B3GALNT1: variants seen among roughly 807,000 people sequenced by gnomAD.
B3GALNT1 encodes the protein beta-1,3-N-acetylgalactosaminyltransferase 1 (Globoside blood group).
A neutral mutation model predicts 27.3 loss-of-function variants in B3GALNT1; 17 were observed. The ratio of observed to expected loss-of-function variants is 0.62; its 90% CI spans 0.43 to 0.94. B3GALNT1 has a LOEUF of 0.94. B3GALNT1 is among the 40% of genes least tolerant of loss of function. B3GALNT1 has a pLI of 0.00. For missense variants in B3GALNT1, 347 were observed against 390.0 expected, an observed-to-expected ratio of 0.89 and a Z score of 0.93; for synonymous variants, 141 against 144.0, an observed-to-expected ratio of 0.98 and a Z score of 0.15.
At chr3:161,101,436 A>G (rs35474158) in intron 3 of B3GALNT1, among the ~76,000 whole-genome samples, 2,534 of 152,276 alleles carry the variant, frequency 0.017, 77 homozygotes, top group African/African-American at 0.059. Flanking sequence ...TAGTTAAGCC[A>G]TCAATTACCT....
In B3GALNT1 at chr3:161,086,599, G is replaced by T; in HGVS notation, c.156C>A (p.Phe52Leu). Residue 52 changes from phenylalanine to leucine, a missense_variant, in exon 5 of 5, where the codon TTC becomes TTA. Physicochemically the swap from Phe to Leu is conservative, Grantham distance 22. Transcript: ENST00000320474. ...NVIERVNWMY[F>L]YEYEPIYRQD... ...GTCTGTAAATCGGCTCATACTCATA[G>T]AAGTACATCCAGTTCACGCGTTCTA... is the stretch of plus-strand genomic sequence containing the variant. 1 of 1,614,192 alleles carries T rather than the reference G, an allele frequency of 6.2e-7. No individual in the cohort carries two copies. The highest frequency in any genetic ancestry group is 1.1e-5 in the South Asian group (1 of 91,084).
Position 161,086,337 on chromosome 3 carries a change from A to G in B3GALNT1, c.418T>C (p.Tyr140His). 6.2e-7 allele frequency: 1 copy of G among 1,614,166 alleles called. No homozygotes were observed. The highest frequency in any genetic ancestry group is 1.3e-5 in the African/African-American group (1 of 75,040). ...AAATCTTGTCGGATTATGTCACCAT[A>G]AAGAAGGTGTTCATCCTCTAAGGAC... ...ALSLEDEHLL[Y>H]GDIIRQDFLD... The change falls in exon 5 of 5, where the codon TAT (tyrosine) becomes CAT (histidine). Residue 140 changes from tyrosine to histidine, a missense_variant. Physicochemically the swap from Tyr to His is moderately conservative, Grantham distance 83. Transcript: ENST00000320474.
intron 4 of B3GALNT1, among the ~76,000 whole-genome samples, 198 bp from the exon 5 acceptor site, chr3:161,086,986 A>G (rs1296591594): frequency 6.6e-6 from 1 of 152,236 alleles, no homozygotes; most frequent in Non-Finnish European, 1.5e-5. Context: ...AGCTTCTTAC[A>G]TCAAGACCAA....
At chr3:161,102,119 T>G (rs1050049558) in intron 3 of B3GALNT1, among the ~76,000 whole-genome samples, 2 of 152,232 alleles carry the variant, frequency 1.3e-5, no homozygotes, top group Admixed American at 1.3e-4. Flanking sequence ...AGGGTCTGTC[T>G]CAGCTACTCC....
At position 161,085,870 on chromosome 3, in the gene B3GALNT1, G is replaced by A; in HGVS notation, c.885C>T (p.Ile295=). Residue 295 remains isoleucine (I), a synonymous_variant, in exon 5 of 5, where the codon ATC becomes ATT. Transcript: ENST00000320474. ...EDTNLFFLYR[I]HLDVCQLRRV... ...GTCTCAGTTGACAGACATCCAAATG[G>A]ATTCTATATAGAAAGAAAAGATTTG... 1.9e-6 allele frequency: 3 copies of A among 1,613,906 alleles called. No homozygotes were observed. Among genetic ancestry groups the A allele is most frequent in the Non-Finnish European group, 2.5e-6 (3 of 1,179,904 alleles).
At chr3:161,094,968 CTTT>C (rs1272838441) in intron 4 of B3GALNT1, among the ~76,000 whole-genome samples, 2 of 151,988 alleles carry the variant, frequency 1.3e-5, no homozygotes, top group Non-Finnish European at 2.9e-5. Flanking sequence ...GGCTTCCGTT[CTTT>C]TTTATTCTTT....
At chr3:161,091,112 T>C (rs1724840425) in intron 4 of B3GALNT1, among the ~76,000 whole-genome samples, 1 of 151,752 alleles carries the variant, frequency 6.6e-6, no homozygotes, top group African/African-American at 2.4e-5. Context: ...TACAAAAGAA[T>C]AATAAAATTA....
Position 161,083,892 on chromosome 3 carries a change from GTAAA to G in B3GALNT1, c.*1863_*1866del. On this transcript the variant is annotated 3_prime_UTR_variant, in exon 5 of 5. Coordinates refer to ENST00000320474, the MANE Select transcript of B3GALNT1 (RefSeq NM_003781.4). ...GAATAGAACACTCTAATTATAAAAA[GTAAA>G]TACACAAACCGGTGTCATTTATTGT... 6.6e-6 allele frequency: 1 copy of G among 152,252 alleles called. No homozygotes were observed. The highest frequency in any genetic ancestry group is 1.9e-4 in the East Asian group (1 of 5,182). The allele number at this position is 152,252 out of a possible 1,614,324, so 9.4% of individuals were successfully genotyped here.
At chr3:161,099,924 G>A (rs944525470) in intron 4 of B3GALNT1, among the ~76,000 whole-genome samples, 1 of 152,134 alleles carries the variant, frequency 6.6e-6, no homozygotes, top group Non-Finnish European at 1.5e-5. Context: ...ATTTTGAAAG[G>A]GTCACTAACA....
chr3:161,103,476 T>C lies in B3GALNT1; in HGVS notation c.-179A>G, dbSNP rs1351417513. 1.6e-6 allele frequency: 2 copies of C among 1,284,118 alleles called. No individual in the cohort carries two copies. The highest frequency in any genetic ancestry group is 2.3e-5 in the Admixed American group (1 of 43,420). 79.5% of individuals were successfully genotyped at this position (1,284,118 alleles called of 1,614,324 possible). A position where few individuals can be genotyped will look rare whatever the true frequency, so the allele number is the denominator to read the frequency against. On this transcript the variant is annotated 5_prime_UTR_variant, in exon 3 of 5. It adds an upstream start codon to the 5' untranslated region. Transcript: ENST00000320474. Reference sequence around the variant, plus strand: ...AGCTTAAGTTTTTTGTTGTTTTCTGTATTCCATGCTTAATTAAAACACTCA... The same window carrying C: ...AGCTTAAGTTTTTTGTTGTTTTCTGCATTCCATGCTTAATTAAAACACTCA...
rs766709545 is a variant in B3GALNT1, at chr3:161,086,320, T to C, written c.435A>G (p.Arg145=). ...TATTATATGTGTCTAAAAAATCTTG[T>C]CGGATTATGTCACCATAAAGAAGGT... ...DEHLLYGDII[R]QDFLDTYNNL... The change falls in exon 5 of 5, where the codon CGA becomes CGG. Residue 145 remains arginine, a synonymous_variant. Transcript: ENST00000320474. The C allele has an allele frequency of 5.0e-6, 8 of 1,614,194 alleles. No individual in the cohort carries two copies. Among genetic ancestry groups the C allele is most frequent in the South Asian group, 4.4e-5 (4 of 91,084 alleles).
At chr3:161,086,879 G>A in intron 4 of B3GALNT1, 91 bp from the exon 5 acceptor site, 3 of 1,359,168 alleles carry the variant, frequency 2.2e-6, no homozygotes, top group Admixed American at 3.9e-5. Context: ...AGAAAGAGTA[G>A]GAGAACAGAA....
Position 161,086,561 on chromosome 3 carries a change from A to T in B3GALNT1, c.194T>A (p.Phe65Tyr), listed in dbSNP as rs1722067586. Residue 65 changes from phenylalanine to tyrosine, a missense_variant, in exon 5 of 5, where the codon TTC becomes TAC. Coordinates refer to ENST00000320474, the MANE Select transcript of B3GALNT1 (RefSeq NM_003781.4). ...GCAGTTTGAATGCTCTCGAAGTGTG[A>T]AGTGAAAGTCTTGTCTGTAAATCGG... is the stretch of plus-strand genomic sequence containing the variant. ...YEPIYRQDFH[F>Y]TLREHSNCSH... 1 of 1,614,106 alleles carries T rather than the reference A, an allele frequency of 6.2e-7. No homozygotes were observed. The highest frequency in any genetic ancestry group is 1.1e-5 in the South Asian group (1 of 91,088).
At chr3:161,095,083 CA>C (rs1037385456) in intron 4 of B3GALNT1, among the ~76,000 whole-genome samples, 6 of 152,154 alleles carry the variant, frequency 3.9e-5, no homozygotes, top group African/African-American at 1.4e-4. Flanking sequence ...CCTCCCACCG[CA>C]GCCTCCCAAA....
chr3:161,099,888 T>A (rs1198859739), intron 4 of B3GALNT1, among the ~76,000 whole-genome samples: 1 of 152,094 alleles, frequency 6.6e-6, no homozygotes, highest in Non-Finnish European at 1.5e-5. Flanking sequence ...AAGGGGGTCA[T>A]AATTCCATAG....
At chr3:161,090,601 A>C (rs1387520277) in intron 4 of B3GALNT1, among the ~76,000 whole-genome samples, 1 of 152,122 alleles carries the variant, frequency 6.6e-6, no homozygotes, top group Non-Finnish European at 1.5e-5. Context: ...AAAACCATAA[A>C]ATTTCTTAAA....
rs2095682387 is a variant in B3GALNT1, at chr3:161,085,363, C to CGA, written c.*395_*396insTC. 5.3e-6 allele frequency: 1 copy of CGA among 187,780 alleles called. No individual in the cohort carries two copies. The highest frequency in any genetic ancestry group is 1.1e-5 in the Non-Finnish European group (1 of 90,160). 11.6% of individuals were successfully genotyped at this position (187,780 alleles called of 1,614,324 possible). A position where few individuals can be genotyped will look rare whatever the true frequency, so the allele number is the denominator to read the frequency against. ...CATATATTTTTAAATTGGTAATCCA[C>CGA]ATAAGATATACACAAAACCTTCAAG... On this transcript the variant is annotated 3_prime_UTR_variant, in exon 5 of 5. Transcript: ENST00000320474.
At chr3:161,093,624 A>G (rs1726547042) in intron 4 of B3GALNT1, among the ~76,000 whole-genome samples, 1 of 152,254 alleles carries the variant, frequency 6.6e-6, no homozygotes. Flanking sequence ...GTACACTATT[A>G]TTTTATTACT....
rs1268097699 is a variant in B3GALNT1, at chr3:161,084,529, C to T, written c.*1230G>A. The T allele has an allele frequency of 6.6e-6, 1 of 152,108 alleles. No individual in the cohort carries two copies. Among genetic ancestry groups the T allele is most frequent in the Non-Finnish European group, 1.5e-5 (1 of 68,006 alleles). The allele number at this position is 152,108 out of a possible 1,614,324, so 9.4% of individuals were successfully genotyped here. On this transcript the variant is annotated 3_prime_UTR_variant, in exon 5 of 5. Coordinates refer to ENST00000320474, the MANE Select transcript of B3GALNT1 (RefSeq NM_003781.4). Reference sequence around the variant, plus strand: ...ACTCTAAAAAGAAAACTGCATAAACCCAGGAACAGGGGGCAAGGAGTGCTC... The same window carrying T: ...ACTCTAAAAAGAAAACTGCATAAACTCAGGAACAGGGGGCAAGGAGTGCTC...
Sources: gnomAD v4.1 joint callset for allele counts (sites outside exome capture counted in the v4.1 genomes callset) on GRCh38, gnomAD v4.1.1 for gene constraint, MANE v1.5 for transcripts, NCBI Gene and HGNC (gene_info 2026-07-23, HGNC 2026-07-21) for gene names.